PSD3: variants seen among roughly 807,000 people sequenced by gnomAD.
PSD3 encodes the protein PH and SEC7 domain-containing protein 3.
Under a neutral mutation model 105.5 loss-of-function variants are expected in PSD3, and 49 were observed. The ratio of observed to expected loss-of-function variants is 0.46; its 90% CI spans 0.37 to 0.59. The LOEUF (loss-of-function observed/expected upper bound fraction) is 0.59. Ranked by LOEUF, PSD3 falls within the 20% of genes least tolerant of loss-of-function variation. PSD3 has a pLI of 0.00. For missense variants in PSD3, 1,561 were observed against 1,263.8 expected (o/e 1.24, Z -3.57); for synonymous variants, 557 against 457.8 (o/e 1.22, Z -2.77).
chr8:18,646,070 T>C (rs1808013674), intron 10 of PSD3, among the ~76,000 whole-genome samples: 1 of 152,186 alleles, frequency 6.6e-6, no homozygotes, highest in Non-Finnish European at 1.5e-5. Flanking sequence ...AATGTGAGTA[T>C]AGTCCCATAG....
chr8:19,067,518 A>G (rs778570634), intron 1 of PSD3, among the ~76,000 whole-genome samples: 10 of 152,198 alleles, frequency 6.6e-5, no homozygotes, highest in Non-Finnish European at 1.3e-4. Context: ...CTCTCTGAGT[A>G]TAACTCGAAC....
chr8:18,727,164 C>T (rs1232265273), intron 9 of PSD3, among the ~76,000 whole-genome samples: 1 of 151,820 alleles, frequency 6.6e-6, no homozygotes, highest in Non-Finnish European at 1.5e-5. Flanking sequence ...GGTGAAGCCC[C>T]ATCTCTACTA....
At chr8:18,970,798 T>C (rs1157162957) in intron 1 of PSD3, among the ~76,000 whole-genome samples, 4 of 151,768 alleles carry the variant, frequency 2.6e-5, no homozygotes, top group Admixed American at 2.0e-4. Flanking sequence ...CTACTAAAAA[T>C]ACAGAAATTA....
At chr8:19,029,204 A>G (rs1299817298) in intron 1 of PSD3, among the ~76,000 whole-genome samples, 1 of 152,196 alleles carries the variant, frequency 6.6e-6, no homozygotes, top group Non-Finnish European at 1.5e-5. Context: ...AATGTCCAGT[A>G]TGATGTCAAT....
At chr8:18,607,683 C>CAATAAAA (rs1804946008) in intron 11 of PSD3, among the ~76,000 whole-genome samples, 1 of 81,332 alleles carries the variant, frequency 1.2e-5, no homozygotes, top group Admixed American at 1.6e-4. Flanking sequence ...TCCACTGCTA[C>CAATAAAA]AAAAAAAAAA....
intron 9 of PSD3, among the ~76,000 whole-genome samples, chr8:18,736,692 C>T (rs1804175855): frequency 2.0e-5 from 3 of 151,928 alleles, no homozygotes; most frequent in Admixed American, 2.0e-4. Flanking sequence ...AATAATGGTG[C>T]ACAAAAACAA....
At chr8:18,817,426 T>C (rs1054468019) in intron 4 of PSD3, among the ~76,000 whole-genome samples, 3 of 152,196 alleles carry the variant, frequency 2.0e-5, no homozygotes, top group Non-Finnish European at 4.4e-5. Context: ...TCCCCAGCAC[T>C]GTGCCCCGAG....
At chr8:19,041,428 A>T (rs553483918) in intron 1 of PSD3, among the ~76,000 whole-genome samples, 2 of 152,340 alleles carry the variant, frequency 1.3e-5, no homozygotes, top group Admixed American at 1.3e-4. Flanking sequence ...AAAGGGATGC[A>T]CTTTGTGAAG....
intron 2 of PSD3, among the ~76,000 whole-genome samples, chr8:18,883,702 T>C (rs2129458918): frequency 6.6e-6 from 1 of 152,338 alleles, no homozygotes; most frequent in East Asian, 1.9e-4. Flanking sequence ...GTTCATATCT[T>C]TGGATGCGTT....
At position 19,047,117 on chromosome 8, in the gene PSD3, C is replaced by G. The variant is rs142518052; in HGVS notation, c.324+37089G>C. ...TCCTCTGCTACACAGGGACATAAAT[C>G]TCTTTGCAGGAAGCAGAAACTAAAC... On this transcript the variant is annotated intron_variant, in intron 1 of 1. Transcript: ENST00000521475. Among the ~76,000 whole-genome samples the G allele has an allele frequency of 7.3e-3, 1,119 of 152,320 alleles. 13 individuals are homozygous for G. Among genetic ancestry groups the G allele is most frequent in the African/African-American group, 0.025 (1,044 of 41,576 alleles).
At chr8:18,558,691 C>G (rs570814195) in intron 14 of PSD3, among the ~76,000 whole-genome samples, 2 of 152,030 alleles carry the variant, frequency 1.3e-5, no homozygotes, top group Non-Finnish European at 2.9e-5. Flanking sequence ...CGTGGTAGCA[C>G]GTGCCTGTAA....
intron 9 of PSD3, among the ~76,000 whole-genome samples, chr8:18,659,345 A>C (rs1809148082): frequency 6.6e-6 from 1 of 152,176 alleles, no homozygotes; most frequent in Non-Finnish European, 1.5e-5. Context: ...ACTAGCACCT[A>C]TTTCTCCTTT....
rs190570451 is a variant in PSD3, at chr8:18,732,187, A to C, written c.2172+33262T>G. Among the ~76,000 whole-genome samples the C allele has an allele frequency of 4.1e-3, 628 of 152,204 alleles. 5 individuals are homozygous for C. The highest frequency in any genetic ancestry group is 0.013 in the African/African-American group (558 of 41,522). On this transcript the variant is annotated intron_variant, in intron 9 of 15. Transcript: ENST00000327040. ...AACCCTCCTCCCCCCCGAAAAAAAA[A>C]CCCACTAACTACAAAGCAAGAAATA...
chr8:18,572,555 C>T lies in PSD3; in HGVS notation c.2757G>A (p.Leu919=), dbSNP rs779465526. The T allele has an allele frequency of 6.2e-7, 1 of 1,613,436 alleles. No individual in the cohort carries two copies. The change falls in exon 14 of 16, where the codon CTG becomes CTA. Residue 919 remains leucine, a synonymous_variant. Coordinates refer to ENST00000327040, the MANE Select transcript of PSD3 (RefSeq NM_015310.4). ...GSQKKFSRPL[L]PATTTKLSQE... is the part of the protein sequence containing the mutation. ...GAGACAGTTTTGTTGTAGTGGCAGG[C>T]AGAAGTGGGCGGCTAAACTTCTTCT...
intron 14 of PSD3, among the ~76,000 whole-genome samples, chr8:18,562,176 A>C (rs1170247590): frequency 6.6e-6 from 1 of 152,164 alleles, no homozygotes; most frequent in East Asian, 1.9e-4. Flanking sequence ...GCTGGGAATA[A>C]GAAGAGGGAA....
chr8:19,007,075 C>T (rs543657500), intron 1 of PSD3, among the ~76,000 whole-genome samples: 2 of 151,860 alleles, frequency 1.3e-5, no homozygotes, highest in Admixed American at 1.3e-4. Context: ...GCTAACATGG[C>T]GAAACCCCGT....
At chr8:18,784,932 G>A (rs1024571461) in intron 8 of PSD3, among the ~76,000 whole-genome samples, 3 of 152,170 alleles carry the variant, frequency 2.0e-5, no homozygotes, top group African/African-American at 7.2e-5. Context: ...CTTGCTCCCT[G>A]GAGGTGGGGT....
intron 11 of PSD3, among the ~76,000 whole-genome samples, chr8:18,619,077 C>T (rs1805917014): frequency 6.6e-6 from 1 of 152,062 alleles, no homozygotes; most frequent in Non-Finnish European, 1.5e-5. Flanking sequence ...AATCAATGAT[C>T]TATCTTGCTT....
At chr8:18,706,440 C>G (rs989267825) in intron 9 of PSD3, among the ~76,000 whole-genome samples, 2 of 152,046 alleles carry the variant, frequency 1.3e-5, no homozygotes, top group Non-Finnish European at 2.9e-5. Context: ...CAGGATAGGT[C>G]AACAAACTAA....
Sources: allele counts gnomAD v4.1 joint callset (sites outside exome capture counted in the v4.1 genomes callset), GRCh38; gene constraint gnomAD v4.1.1; transcripts MANE v1.5; gene names NCBI Gene and HGNC (gene_info 2026-07-23, HGNC 2026-07-21).